Variants in COTL1 observed in about 807,000 individuals in gnomAD.
The protein encoded by COTL1 is coactosin like F-actin binding protein 1, also known as coactosin-like protein.
A neutral mutation model predicts 16.5 loss-of-function variants in COTL1; 15 were observed. The ratio of observed to expected loss-of-function variants is 0.91; its 90% CI spans 0.61 to 1.40. The LOEUF (loss-of-function observed/expected upper bound fraction) is 1.40, where lower values mean the gene tolerates loss of function less well. Ranked by LOEUF, COTL1 falls within the 40% of genes most tolerant of loss-of-function variation. The pLI, the probability that COTL1 is intolerant of heterozygous loss-of-function variation, is 0.00. For missense variants in COTL1, 220 were observed against 201.5 expected, an observed-to-expected ratio of 1.09 and a Z score of -0.56; for synonymous variants, 112 against 85.3, an observed-to-expected ratio of 1.31 and a Z score of -1.73.
intron 2 of COTL1, 70 bp downstream of exon 2, chr16:84,617,431 G>C: frequency 1.4e-6 from 2 of 1,452,192 alleles, no homozygotes; most frequent in Non-Finnish European, 1.9e-6. Flanking sequence ...GGTTCGCTCT[G>C]GCCGGGGCTC....
intron 2 of COTL1, among the ~76,000 whole-genome samples, chr16:84,614,234 A>C (rs1905409607): frequency 6.6e-6 from 1 of 152,234 alleles, no homozygotes; most frequent in Non-Finnish European, 1.5e-5. Context: ...ATGGAGCAAG[A>C]AGCAAGAGCG....
intron 2 of COTL1, among the ~76,000 whole-genome samples, chr16:84,603,118 G>A (rs1043849874): frequency 2.0e-5 from 3 of 152,128 alleles, no homozygotes; most frequent in East Asian, 1.9e-4. Context: ...CCAGTTCCCC[G>A]GAGGCCTCTC....
intron 3 of COTL1, chr16:84,567,317 G>T (rs72795426): frequency 1.6e-5 from 3 of 190,486 alleles, no homozygotes; most frequent in African/African-American, 7.0e-5. Flanking sequence ...AAACTATCTC[G>T]TCAGGAAAAT....
At chr16:84,603,655 C>T (rs1905148516) in intron 2 of COTL1, among the ~76,000 whole-genome samples, 1 of 151,958 alleles carries the variant, frequency 6.6e-6, no homozygotes, top group Admixed American at 6.6e-5. Context: ...GACTATGAAG[C>T]GAATGGAGGC....
chr16:84,615,324 T>C (rs569181483), intron 2 of COTL1, among the ~76,000 whole-genome samples: 656 of 152,240 alleles, frequency 4.3e-3, no homozygotes, highest in Non-Finnish European at 8.0e-3. Context: ...CTCCCATCCC[T>C]GGGGGGCAGG....
rs570819918 is a variant in COTL1, at chr16:84,575,360, A to T, written c.319-8405T>A. On this transcript the variant is annotated intron_variant, in intron 3 of 3. Transcript: ENST00000262428. ...GCCCATCCTTTTCATTTTTATTTTT[A>T]TTTATTTTCATTTTTTGAGACGGAG... The T allele has an allele frequency of 3.3e-5, 5 of 149,340 alleles. No homozygotes were observed. The East Asian group carries it at 1.0e-3, about 30-fold the overall frequency. The allele number at this position is 149,340 out of a possible 1,614,324, so 9.3% of individuals were successfully genotyped here.
intron 1 of COTL1, 117 bp downstream of exon 1, chr16:84,617,721 A>G (rs1405673795): frequency 7.3e-7 from 1 of 1,371,836 alleles, no homozygotes; most frequent in Non-Finnish European, 1.0e-6. Context: ...GTCCCGGAAT[A>G]AGGCGAGGAA....
At chr16:84,589,960 G>T in intron 3 of COTL1, 145 bp downstream of exon 3, 4 of 711,504 alleles carry the variant, frequency 5.6e-6, no homozygotes, top group Non-Finnish European at 8.9e-6. Context: ...TTCACCAATG[G>T]CTTTACTGGT....
chr16:84,580,998 TG>T, intron 3 of COTL1, among the ~76,000 whole-genome samples: 1 of 152,098 alleles, frequency 6.6e-6, no homozygotes, highest in East Asian at 1.9e-4. Context: ...AAAATTAGGC[TG>T]GGCATGGTGG....
chr16:84,611,104 C>T lies in COTL1; in HGVS notation c.160+6397G>A, dbSNP rs115649999. Among the ~76,000 whole-genome samples, 1,131 of 152,302 alleles carry T rather than the reference C, an allele frequency of 7.4e-3. 16 individuals carry two copies. The highest frequency in any genetic ancestry group is 0.026 in the African/African-American group (1,060 of 41,546). ...CAATCATTATCCCCACCTTTACAGA[C>T]GAGAAAACACAGACCCTGGGAGATC... On this transcript the variant is annotated intron_variant, in intron 2 of 3. Transcript: ENST00000262428.
rs1239450266 is a variant in COTL1, at chr16:84,617,607, A to G, written c.78-24T>C. ...CCCTTTGGGTTGGGAGAAGAAAAAA[A>G]CACACACACACATCAGCGCTGGTGG... On this transcript the variant is annotated intron_variant, in intron 1 of 3. Coordinates refer to ENST00000262428, the MANE Select transcript of COTL1 (RefSeq NM_021149.5). 9.1e-6 allele frequency: 14 copies of G among 1,533,128 alleles called. No homozygotes were observed. The East Asian group carries it at 2.2e-4, about 24-fold the overall frequency. The allele number at this position is 1,533,128 out of a possible 1,614,324, so 95.0% of individuals were successfully genotyped here.
chr16:84,591,001 T>C (rs1451958515), intron 2 of COTL1, among the ~76,000 whole-genome samples: 1 of 152,212 alleles, frequency 6.6e-6, no homozygotes, highest in Non-Finnish European at 1.5e-5. Flanking sequence ...TTCTATCTTA[T>C]ATAGTCATTT....
At chr16:84,585,960 C>A (rs971983908) in intron 3 of COTL1, among the ~76,000 whole-genome samples, 1 of 152,234 alleles carries the variant, frequency 6.6e-6, no homozygotes, top group Non-Finnish European at 1.5e-5. Flanking sequence ...TCTCTAACAA[C>A]TGGGATCACG....
chr16:84,602,673 G>A (rs542462628), intron 2 of COTL1, among the ~76,000 whole-genome samples: 10 of 152,140 alleles, frequency 6.6e-5, no homozygotes, highest in Non-Finnish European at 1.0e-4. Flanking sequence ...TGGCCAACCC[G>A]GCAAAACCCT....
intron 2 of COTL1, among the ~76,000 whole-genome samples, chr16:84,608,977 A>G (rs2925050): frequency 0.58 from 88,744 of 152,024 alleles, 27,135 homozygotes; most frequent in Non-Finnish European, 0.68. Flanking sequence ...TGTTTGTCGC[A>G]TGCATTAACG....
At chr16:84,598,498 G>A (rs1038709556) in intron 2 of COTL1, among the ~76,000 whole-genome samples, 1 of 152,140 alleles carries the variant, frequency 6.6e-6, no homozygotes, top group African/African-American at 2.4e-5. Context: ...GCGCAGAGCT[G>A]TGAACTCAGC....
At chr16:84,572,446 G>A (rs983993685) in intron 3 of COTL1, among the ~76,000 whole-genome samples, 4 of 152,118 alleles carry the variant, frequency 2.6e-5, no homozygotes, top group Non-Finnish European at 4.4e-5. Flanking sequence ...AGAGCAATGC[G>A]GACACACACA....
Position 84,566,785 on chromosome 16 carries a change from C to A in COTL1, c.*60G>T. The A allele has an allele frequency of 3.3e-6, 4 of 1,212,934 alleles. No individual in the cohort carries two copies. In the South Asian group the frequency reaches 5.0e-5, roughly 15 times the overall value. 75.1% of individuals were successfully genotyped at this position (1,212,934 alleles called of 1,614,324 possible). A position where few individuals can be genotyped will look rare whatever the true frequency, so the allele number is the denominator to read the frequency against. ...TGGGCTAGTAGCTGAGGCCGGCGGTCCTCTCCCCCGGGGAGCAGGCAGATG... is the reference window on the plus strand; with the variant it reads ...TGGGCTAGTAGCTGAGGCCGGCGGTACTCTCCCCCGGGGAGCAGGCAGATG... On this transcript the variant is annotated 3_prime_UTR_variant, in exon 4 of 4. Transcript: ENST00000262428.
chr16:84,566,905 A>G lies in COTL1; in HGVS notation c.369T>C (p.Asp123=), dbSNP rs1299484216. 3 of 1,614,104 alleles carry G rather than the reference A, an allele frequency of 1.9e-6. No individual in the cohort carries two copies. Among genetic ancestry groups the G allele is most frequent in the East Asian group, 2.2e-5 (1 of 44,876 alleles). The change falls in exon 4 of 4, where the codon GAT becomes GAC. Residue 123 remains aspartate, a synonymous_variant. Coordinates refer to ENST00000262428, the MANE Select transcript of COTL1 (RefSeq NM_021149.5). ...CCTTCTTCAGCTCGCTCTTGATGAA[A>G]TCTTCCTCCAGCTCCTTCCGATCAC... ...VISDRKELEE[D]FIKSELKKAG...
Sources: allele counts gnomAD v4.1 joint callset (sites outside exome capture counted in the v4.1 genomes callset), GRCh38; gene constraint gnomAD v4.1.1; transcripts MANE v1.5; gene names NCBI Gene and HGNC (gene_info 2026-07-23, HGNC 2026-07-21).